Variants in PTPRN2 observed in about 807,000 individuals in gnomAD.
The protein encoded by PTPRN2 is protein tyrosine phosphatase receptor type N2.
In PTPRN2, 74 loss-of-function variants were observed where a neutral mutation model predicts 118.8. The observed-to-expected ratio is 0.62, with a 90% confidence interval of 0.52 to 0.76. PTPRN2 has a LOEUF of 0.76. Ranked by LOEUF, PTPRN2 falls within the 30% of genes least tolerant of loss-of-function variation. The pLI is 0.00. For missense variants in PTPRN2, 1,481 were observed against 1,394.4 expected (o/e 1.06, Z -0.99); for synonymous variants, 641 against 608.0 (o/e 1.05, Z -0.80).
chr7:158,488,060 C>A (rs769930289), intron 2 of PTPRN2, among the ~76,000 whole-genome samples: 1 of 152,206 alleles, frequency 6.6e-6, no homozygotes, highest in African/African-American at 2.4e-5. Context: ...GACACCCAGG[C>A]CGGCCTTTGT....
intron 3 of PTPRN2, among the ~76,000 whole-genome samples, chr7:158,239,159 G>A (rs1795752395): frequency 6.6e-6 from 1 of 152,228 alleles, no homozygotes; most frequent in African/African-American, 2.4e-5. Context: ...AGGCCAGCCA[G>A]AGGGTCGATG....
rs533217921 is a variant in PTPRN2, at chr7:157,632,750, C to T, written c.2197-11241G>A. On this transcript the variant is annotated intron_variant, in intron 14 of 22. Transcript: ENST00000389418. This position sits in a 1 kb window ranked among gnomAD's most constrained non-coding sequence, Gnocchi z 4.3. ...TGAACAATTTTATGAATCTTATTAT[C>T]TTATTTAACATCTTAAAAATTAAGG... is the stretch of plus-strand genomic sequence containing the variant. Among the ~76,000 whole-genome samples, 1 of 152,254 alleles carries T rather than the reference C, an allele frequency of 6.6e-6. No individual in the cohort carries two copies. Among genetic ancestry groups the T allele is most frequent in the East Asian group, 1.9e-4 (1 of 5,188 alleles).
intron 2 of PTPRN2, among the ~76,000 whole-genome samples, chr7:158,382,079 T>C (rs1253607857): frequency 6.6e-6 from 1 of 152,152 alleles, no homozygotes; most frequent in Non-Finnish European, 1.5e-5. Flanking sequence ...GCCAGTTACA[T>C]TGTCTCACCA....
intron 3 of PTPRN2, among the ~76,000 whole-genome samples, chr7:158,247,936 A>G (rs1001748076): frequency 2.0e-5 from 3 of 152,260 alleles, no homozygotes; most frequent in Non-Finnish European, 1.5e-5. Context: ...GTTCTTAACC[A>G]TACCTCGCAC....
At chr7:158,016,919 A>G (rs1428927341) in intron 11 of PTPRN2, among the ~76,000 whole-genome samples, 2 of 152,328 alleles carry the variant, frequency 1.3e-5, no homozygotes, top group Non-Finnish European at 2.9e-5. Flanking sequence ...TTCACCACCT[A>G]CAGTGCCCTG....
chr7:157,702,076 A>G (rs1383760092), intron 12 of PTPRN2, among the ~76,000 whole-genome samples: 15 of 147,788 alleles, frequency 1.0e-4, no homozygotes, highest in South Asian at 4.5e-4. Flanking sequence ...TGGGCTGTGC[A>G]TTTATAAGAA....
At chr7:158,035,225 C>T (rs1430436307) in intron 11 of PTPRN2, among the ~76,000 whole-genome samples, 1 of 152,220 alleles carries the variant, frequency 6.6e-6, no homozygotes, top group Admixed American at 6.5e-5. Flanking sequence ...CAACAAGTGT[C>T]TCAAGTATAA....
rs139934822 is a variant in PTPRN2 at position 157,632,162 on chromosome 7, A to T, written c.2197-10653T>A. ...ACAAAGTCCAGAGTTGTAAGAAATC[A>T]CACTGACAAAGGAGTTCTTACACAA... On this transcript the variant is annotated intron_variant, in intron 14 of 22. Coordinates refer to ENST00000389418, the MANE Select transcript of PTPRN2 (RefSeq NM_002847.5). This position sits in a 1 kb window ranked among gnomAD's most constrained non-coding sequence, Gnocchi z 4.3. Among the ~76,000 whole-genome samples the T allele has an allele frequency of 6.6e-6, 1 of 152,316 alleles. No individual in the cohort carries two copies. The highest frequency in any genetic ancestry group is 1.9e-4 in the East Asian group (1 of 5,178).
At chr7:157,932,792 C>A (rs558061108) in intron 11 of PTPRN2, among the ~76,000 whole-genome samples, 1 of 140,218 alleles carries the variant, frequency 7.1e-6, no homozygotes, top group South Asian at 2.4e-4. Context: ...TGAGTCACTC[C>A]GATGGACAGC....
intron 11 of PTPRN2, among the ~76,000 whole-genome samples, chr7:157,985,890 G>A (rs926345756): frequency 2.6e-5 from 4 of 151,062 alleles, no homozygotes; most frequent in African/African-American, 9.8e-5. Flanking sequence ...GAAATGCTTG[G>A]GGTTGAATCT....
At chr7:158,264,080 T>C (rs1232769143) in intron 3 of PTPRN2, among the ~76,000 whole-genome samples, 1 of 152,172 alleles carries the variant, frequency 6.6e-6, no homozygotes, top group Non-Finnish European at 1.5e-5. Context: ...CGGTTATTAT[T>C]TAGAAGGAGG....
rs767856511 is a variant in PTPRN2 at position 157,729,623 on chromosome 7, C to T, written c.1789-46686G>A. Among the ~76,000 whole-genome samples the T allele has an allele frequency of 2.0e-5, 3 of 152,196 alleles. No individual in the cohort carries two copies. The highest frequency in any genetic ancestry group is 2.9e-5 in the Non-Finnish European group (2 of 68,026). ...TGCCTGAGACCTGCAAAGGGCCATCCTGGGGTCCGAGGGCTTCCTGGTCCT... is the reference window on the plus strand; with the variant it reads ...TGCCTGAGACCTGCAAAGGGCCATCTTGGGGTCCGAGGGCTTCCTGGTCCT... On this transcript the variant is annotated intron_variant, in intron 12 of 22. Coordinates refer to ENST00000389418, the MANE Select transcript of PTPRN2 (RefSeq NM_002847.5). This position sits in a 1 kb window ranked among gnomAD's most constrained non-coding sequence, Gnocchi z 4.3.
At position 157,623,923 on chromosome 7, in the gene PTPRN2, C is replaced by A. The variant is rs187850404; in HGVS notation, c.2197-2414G>T. On this transcript the variant is annotated intron_variant, in intron 14 of 22. Coordinates refer to ENST00000389418, the MANE Select transcript of PTPRN2 (RefSeq NM_002847.5). ...TTGTGATATTAAACTGATGAAATAT[C>A]CCCCAACTACATCTTAGGAGTCTTT... is the stretch of plus-strand genomic sequence containing the variant. Among the ~76,000 whole-genome samples the A allele has an allele frequency of 5.9e-5, 9 of 152,304 alleles. No individual in the cohort carries two copies. The East Asian group carries it at 1.7e-3, about 29-fold the overall frequency.
chr7:158,462,093 G>T (rs1293944750), intron 2 of PTPRN2, among the ~76,000 whole-genome samples: 1 of 20,018 alleles, frequency 5.0e-5, no homozygotes, highest in Non-Finnish European at 1.2e-4. Context: ...GTGCTGCTCT[G>T]CTTTCTAGGT....
chr7:157,601,328 G>A (rs1166748208), intron 16 of PTPRN2, among the ~76,000 whole-genome samples: 1 of 152,154 alleles, frequency 6.6e-6, no homozygotes, highest in African/African-American at 2.4e-5. Context: ...TTCCTTTGCT[G>A]TAATTGTGAG....
At chr7:158,430,294 G>A (rs968893797) in intron 2 of PTPRN2, among the ~76,000 whole-genome samples, 1 of 152,210 alleles carries the variant, frequency 6.6e-6, no homozygotes, top group Admixed American at 6.5e-5. Context: ...GCTAAAGAGT[G>A]CACAAACTCA....
chr7:157,877,833 T>C (rs1323180808), intron 12 of PTPRN2, among the ~76,000 whole-genome samples: 1 of 152,106 alleles, frequency 6.6e-6, no homozygotes. Context: ...CCCCAAGCCC[T>C]TCGCCAAAAT....
At chr7:158,148,492 C>A (rs1820447741) in intron 6 of PTPRN2, among the ~76,000 whole-genome samples, 2 of 140,636 alleles carry the variant, frequency 1.4e-5, no homozygotes, top group Admixed American at 7.0e-5. Flanking sequence ...CCATCTCACG[C>A]CACGTGTCTT....
At chr7:158,285,536 G>T (rs1342545913) in intron 3 of PTPRN2, among the ~76,000 whole-genome samples, 1 of 152,196 alleles carries the variant, frequency 6.6e-6, no homozygotes, top group Non-Finnish European at 1.5e-5. Flanking sequence ...ACCTGCTCTT[G>T]CCTGGGTACA....
Sources: gnomAD v4.1 joint callset for allele counts (sites outside exome capture counted in the v4.1 genomes callset) on GRCh38, gnomAD v4.1.1 for gene constraint, Gnocchi (gnomAD v3.1) non-coding constraint, MANE v1.5 for transcripts, NCBI Gene and HGNC (gene_info 2026-07-23, HGNC 2026-07-21) for gene names.